The following CTIF variants were observed in gnomAD, a reference collection of about 807,000 sequenced individuals.
The protein encoded by CTIF is cap binding complex dependent translation initiation factor, also known as CBP80/20-dependent translation initiation factor.
A neutral mutation model predicts 66.0 loss-of-function variants in CTIF; 21 were observed. The ratio of observed to expected loss-of-function variants is 0.32; its 90% CI spans 0.23 to 0.46. CTIF has a LOEUF of 0.46. CTIF is among the 20% of genes least tolerant of loss of function. CTIF has a pLI of 1.00. For missense variants in CTIF, 739 were observed against 812.7 expected (o/e 0.91, Z 1.10); for synonymous variants, 345 against 326.4 (o/e 1.06, Z -0.62).
At chr18:48,824,699 G>A (rs925004944) in intron 10 of CTIF, among the ~76,000 whole-genome samples, 1 of 151,726 alleles carries the variant, frequency 6.6e-6, no homozygotes, top group Non-Finnish European at 1.5e-5. Context: ...GTGCAGTGGT[G>A]CAACCTCTGC....
At chr18:48,721,707 T>C (rs2092337449) in intron 7 of CTIF, among the ~76,000 whole-genome samples, 1 of 152,292 alleles carries the variant, frequency 6.6e-6, no homozygotes, top group Non-Finnish European at 1.5e-5. Flanking sequence ...AGGGAAGTCC[T>C]GACCCTGTGT....
intron 9 of CTIF, among the ~76,000 whole-genome samples, chr18:48,780,097 C>T (rs1418138366): frequency 6.6e-6 from 1 of 152,058 alleles, no homozygotes; most frequent in African/African-American, 2.4e-5. Flanking sequence ...AGGGTGATGG[C>T]ACCTTTAACT....
At chr18:48,827,709 C>T (rs1420017423) in intron 10 of CTIF, among the ~76,000 whole-genome samples, 3 of 152,130 alleles carry the variant, frequency 2.0e-5, no homozygotes, top group Non-Finnish European at 4.4e-5. Flanking sequence ...TGGGCACTGG[C>T]TTAGCATCGG....
intron 3 of CTIF, among the ~76,000 whole-genome samples, chr18:48,657,342 C>G (rs775067192): frequency 2.0e-5 from 3 of 152,180 alleles, no homozygotes; most frequent in Non-Finnish European, 2.9e-5. Flanking sequence ...TCAGTATATA[C>G]CAAACATTTG....
intron 9 of CTIF, among the ~76,000 whole-genome samples, chr18:48,782,385 C>G (rs543415161): frequency 1.3e-5 from 2 of 152,262 alleles, no homozygotes; most frequent in East Asian, 3.9e-4. Context: ...GTTTTCCTCT[C>G]CTGAGCCTCT....
At chr18:48,711,538 G>C (rs2092223156) in intron 6 of CTIF, 81 bp from the exon 7 acceptor site, 2 of 1,040,258 alleles carry the variant, frequency 1.9e-6, no homozygotes, top group Non-Finnish European at 3.0e-6. Context: ...TTAGATGCTG[G>C]TGTACTTAGT....
chr18:48,721,755 C>T (rs2092338646), intron 7 of CTIF, among the ~76,000 whole-genome samples: 1 of 151,898 alleles, frequency 6.6e-6, no homozygotes, highest in Non-Finnish European at 1.5e-5. Context: ...GTGCATCCCC[C>T]CCTCTCTGTC....
intron 7 of CTIF, among the ~76,000 whole-genome samples, chr18:48,749,340 C>T (rs114496190): frequency 2.3e-4 from 35 of 152,300 alleles, no homozygotes; most frequent in African/African-American, 8.2e-4. Context: ...GCTGCGAGGA[C>T]CCCATCACAG....
At chr18:48,696,536 G>A (rs1330026468) in intron 6 of CTIF, among the ~76,000 whole-genome samples, 4 of 152,132 alleles carry the variant, frequency 2.6e-5, no homozygotes, top group African/African-American at 9.7e-5. Flanking sequence ...TGTCTGGCTT[G>A]AGCTCTCGGG....
At chr18:48,844,041 A>G (rs1022234537) in intron 10 of CTIF, among the ~76,000 whole-genome samples, 1 of 152,274 alleles carries the variant, frequency 6.6e-6, no homozygotes, top group African/African-American at 2.4e-5. Context: ...TATGTAAGCC[A>G]GGTGAGCATG....
intron 7 of CTIF, among the ~76,000 whole-genome samples, chr18:48,730,428 C>CTGTGAGGGGCCCCTGTGG: frequency 4.0e-5 from 1 of 25,252 alleles, no homozygotes; most frequent in South Asian, 1.3e-3. Flanking sequence ...GGCCCCTGCG[C>CTGTGAGGGGCCCCTGTGG]TGTGAGGGGC....
chr18:48,592,508 A>AG (rs1237791678), intron 1 of CTIF, among the ~76,000 whole-genome samples: 4 of 150,832 alleles, frequency 2.7e-5, no homozygotes, highest in South Asian at 2.1e-4. Context: ...AAAAAAAAAA[A>AG]AAAAAGAAAA....
At chr18:48,616,088 C>G (rs890904574) in intron 1 of CTIF, among the ~76,000 whole-genome samples, 1 of 152,234 alleles carries the variant, frequency 6.6e-6, no homozygotes, top group Non-Finnish European at 1.5e-5. Context: ...GAGGCTGCTG[C>G]TGCAGGCAGA....
chr18:48,779,661 C>A (rs1231689235), intron 9 of CTIF, among the ~76,000 whole-genome samples: 2 of 152,220 alleles, frequency 1.3e-5, no homozygotes, highest in East Asian at 3.8e-4. Flanking sequence ...CGCTTAGCAG[C>A]GGGCTTGGGT....
At chr18:48,614,010 A>G (rs1191660032) in intron 1 of CTIF, among the ~76,000 whole-genome samples, 4 of 152,082 alleles carry the variant, frequency 2.6e-5, no homozygotes, top group Non-Finnish European at 4.4e-5. Context: ...GAGCCGGGAG[A>G]GGAGGGGAGA....
Position 48,861,313 on chromosome 18 carries a change from A to T in CTIF, c.*1754A>T, listed in dbSNP as rs967649937. The T allele has an allele frequency of 1.3e-5, 2 of 152,402 alleles. No homozygotes were observed. Among genetic ancestry groups the T allele is most frequent in the African/African-American group, 4.8e-5 (2 of 41,428 alleles). 9.4% of individuals were successfully genotyped at this position (152,402 alleles called of 1,614,324 possible). A position where few individuals can be genotyped will look rare whatever the true frequency, so the allele number is the denominator to read the frequency against. ...AACAGGTCAGTGGTCTCTCCCAAGAAGCGCACGCCACCTCTGGTCCCTGGC... is the reference window on the plus strand; with the variant it reads ...AACAGGTCAGTGGTCTCTCCCAAGATGCGCACGCCACCTCTGGTCCCTGGC... On this transcript the variant is annotated 3_prime_UTR_variant, in exon 12 of 12. Coordinates refer to ENST00000256413, the MANE Select transcript of CTIF (RefSeq NM_014772.3).
At chr18:48,558,371 A>G (rs1189017917) in intron 1 of CTIF, among the ~76,000 whole-genome samples, 1 of 152,238 alleles carries the variant, frequency 6.6e-6, no homozygotes, top group Non-Finnish European at 1.5e-5. Flanking sequence ...CAGTTGGTAC[A>G]CGGGTATGAC....
At chr18:48,582,655 C>G (rs943152626) in intron 1 of CTIF, among the ~76,000 whole-genome samples, 1 of 151,998 alleles carries the variant, frequency 6.6e-6, no homozygotes, top group African/African-American at 2.4e-5. Context: ...AGTGGTGGTG[C>G]AGAGGTGGTG....
chr18:48,617,809 C>T (rs138595142), intron 1 of CTIF, among the ~76,000 whole-genome samples: 210 of 152,308 alleles, frequency 1.4e-3, no homozygotes, highest in Middle Eastern at 3.4e-3. Flanking sequence ...ACCTCCAGTC[C>T]GCTGATTCCT....
Sources: allele counts gnomAD v4.1 joint callset (sites outside exome capture counted in the v4.1 genomes callset), GRCh38; gene constraint gnomAD v4.1.1; transcripts MANE v1.5; gene names NCBI Gene and HGNC (gene_info 2026-07-23, HGNC 2026-07-21).